Variants in GAPDHS observed in about 807,000 individuals in gnomAD.
The protein encoded by GAPDHS is glyceraldehyde-3-phosphate dehydrogenase, testis-specific.
In GAPDHS, 42 loss-of-function variants were observed where a neutral mutation model predicts 48.7. The ratio of observed to expected loss-of-function variants is 0.86; its 90% CI spans 0.67 to 1.12. The LOEUF is 1.12. GAPDHS is among the 50% of genes most tolerant of loss of function. The probability of loss-of-function intolerance (pLI) is 0.00; values close to 1 mark genes in which losing one functional copy is unlikely to be tolerated. For synonymous variants in GAPDHS, 166 were observed against 219.1 expected, an observed-to-expected ratio of 0.76 and a Z score of 2.14; for missense variants, 512 against 557.7, an observed-to-expected ratio of 0.92 and a Z score of 0.82.
intron 1 of GAPDHS, among the ~76,000 whole-genome samples, chr19:35,535,887 A>C (rs1011640230): frequency 6.6e-6 from 1 of 151,090 alleles, no homozygotes; most frequent in Non-Finnish European, 1.5e-5. Flanking sequence ...CTCTTGCCTC[A>C]GCCCCCCGAG....
In GAPDHS at chr19:35,538,411, GC is replaced by G; in HGVS notation, c.342+9del. The G allele has an allele frequency of 6.5e-7, 1 of 1,539,510 alleles. No individual in the cohort carries two copies. The highest frequency in any genetic ancestry group is 9.0e-7 in the Non-Finnish European group (1 of 1,112,270). Reference sequence around the variant, plus strand: ...ATTGACCCGGAATACATGGTCAGTAGCTGGCAGAGGGCAGGAACAGCAGGGT... The same window carrying G: ...ATTGACCCGGAATACATGGTCAGTAGTGGCAGAGGGCAGGAACAGCAGGGT... On this transcript the variant is annotated intron_variant, in intron 3 of 10. Transcript: ENST00000222286.
At chr19:35,536,180 C>T (rs933593410) in intron 1 of GAPDHS, among the ~76,000 whole-genome samples, 6 of 152,124 alleles carry the variant, frequency 3.9e-5, no homozygotes, top group Non-Finnish European at 7.3e-5. Flanking sequence ...CATGTATTAC[C>T]TCATTTAATC....
In GAPDHS at chr19:35,542,364, C is replaced by G; in HGVS notation, c.495C>G (p.Tyr165Ter). 1 of 1,613,302 alleles carries G rather than the reference C, an allele frequency of 6.2e-7. No homozygotes were observed. The highest frequency in any genetic ancestry group is 8.5e-7 in the Non-Finnish European group (1 of 1,179,738). The part of the protein sequence containing the change: ...QIPWRAVGSP[Y>*]VVESTGVYLS... ...CCTGGAGGGCTGTCGGGAGCCCCTA[C>G]GTGGTGGAGTCCACAGGCGTGTACC... Residue 165 changes from tyrosine (Y) to a stop codon, truncating the protein, a stop_gained, in exon 5 of 11, where the codon TAC becomes TAG. Transcript: ENST00000222286. LOFTEE classifies it high-confidence loss of function.
Position 35,543,654 on chromosome 19 carries a change from G to C in GAPDHS, c.894-11G>C. 2 of 1,612,808 alleles carry C rather than the reference G, an allele frequency of 1.2e-6. No homozygotes were observed. Among genetic ancestry groups the C allele is most frequent in the Non-Finnish European group, 8.5e-7 (1 of 1,179,300 alleles). On this transcript the variant is annotated splice_polypyrimidine_tract_variant and intron_variant, in intron 8 of 10. Coordinates refer to ENST00000222286, the MANE Select transcript of GAPDHS (RefSeq NM_014364.5). ...AGTTCTGACTCCTGTTCCTCATGGG[G>C]GATTCTCCAGGAAGCTGACAGGGAT...
chr19:35,540,582 C>G (rs1321764913), intron 4 of GAPDHS, among the ~76,000 whole-genome samples: 1 of 152,070 alleles, frequency 6.6e-6, no homozygotes, highest in Non-Finnish European at 1.5e-5. Flanking sequence ...TGCAGGGCAG[C>G]CCATTCATTC....
chr19:35,541,553 A>G (rs1260866341), intron 4 of GAPDHS: 1 of 151,610 alleles, frequency 6.6e-6, no homozygotes, highest in Non-Finnish European at 1.5e-5. Context: ...CAAGAATCAC[A>G]GAAGCAAAGC....
intron 2 of GAPDHS, 23 bp from the exon 3 acceptor site, chr19:35,538,284 C>A (rs1327413643): frequency 1.9e-6 from 3 of 1,562,160 alleles, no homozygotes; most frequent in Non-Finnish European, 2.6e-6. Context: ...CTCTCCCATC[C>A]CTTCCTGTCT....
chr19:35,543,936 G>A (rs2146298157), intron 9 of GAPDHS, 109 bp downstream of exon 9: 1 of 1,433,960 alleles, frequency 7.0e-7, no homozygotes, highest in South Asian at 1.5e-5. Flanking sequence ...TGCAGGGCAG[G>A]AAGGGAGATC....
At chr19:35,544,555 G>A (rs910547720) in intron 9 of GAPDHS, 2 of 298,400 alleles carry the variant, frequency 6.7e-6, no homozygotes, top group South Asian at 9.4e-5. Flanking sequence ...ACTGTGCTGA[G>A]GGCCCCAGCC....
At position 35,543,680 on chromosome 19, in the gene GAPDHS, G is replaced by T. The variant is rs745321345; in HGVS notation, c.909G>T (p.Met303Ile). 8.1e-6 allele frequency: 13 copies of T among 1,613,784 alleles called. No individual in the cohort carries two copies. Among genetic ancestry groups the T allele is most frequent in the Admixed American group, 5.0e-5 (3 of 59,970 alleles). Residue 303 changes from methionine to isoleucine, a missense_variant, in exon 9 of 11, where the codon ATG (methionine) becomes ATT (isoleucine). Coordinates refer to ENST00000222286, the MANE Select transcript of GAPDHS (RefSeq NM_014364.5). ...GATTCTCCAGGAAGCTGACAGGGATGGCGTTCCGGGTACCAACCCCGGATG... is the reference window on the plus strand; with the variant it reads ...GATTCTCCAGGAAGCTGACAGGGATTGCGTTCCGGGTACCAACCCCGGATG... Reference protein sequence around the residue: ...IPELKGKLTGMAFRVPTPDVS... With the variant: ...IPELKGKLTGIAFRVPTPDVS...
chr19:35,538,625 G>A lies in GAPDHS; in HGVS notation c.391G>A (p.Val131Met). ...DSTHGRYKGSVEFRNGQLVVD... is the reference protein window; with the variant it reads ...DSTHGRYKGSMEFRNGQLVVD... Reference sequence around the variant, plus strand: ...CACCCACGGCCGATACAAGGGAAGTGTGGAATTCAGGAATGGACAACTGGT... The same window carrying A: ...CACCCACGGCCGATACAAGGGAAGTATGGAATTCAGGAATGGACAACTGGT... The change falls in exon 4 of 11, where the codon GTG (valine) becomes ATG (methionine). Residue 131 changes from valine to methionine, a missense_variant. By Grantham distance (21) the Val-to-Met change is conservative. Coordinates refer to ENST00000222286, the MANE Select transcript of GAPDHS (RefSeq NM_014364.5). 1 of 1,612,612 alleles carries A rather than the reference G, an allele frequency of 6.2e-7. No homozygotes were observed. The highest frequency in any genetic ancestry group is 8.5e-7 in the Non-Finnish European group (1 of 1,178,620).
At chr19:35,534,211 A>C (rs1330262648) in intron 1 of GAPDHS, among the ~76,000 whole-genome samples, 1 of 150,670 alleles carries the variant, frequency 6.6e-6, no homozygotes, top group Non-Finnish European at 1.5e-5. Flanking sequence ...ACACACACAC[A>C]CTCACTCACT....
At chr19:35,538,741 G>A in intron 4 of GAPDHS, 58 bp downstream of exon 4, 3 of 1,128,688 alleles carry the variant, frequency 2.7e-6, no homozygotes, top group East Asian at 2.4e-5. Flanking sequence ...GGCATGTGGA[G>A]GTGGCTAAAA....
intron 8 of GAPDHS, 63 bp downstream of exon 8, chr19:35,543,554 G>A: frequency 6.4e-7 from 1 of 1,573,096 alleles, no homozygotes; most frequent in Non-Finnish European, 8.6e-7. Flanking sequence ...GACTGGCCCG[G>A]CCCTCAGTCC....
At chr19:35,543,047 T>C (rs2071516355) in intron 7 of GAPDHS, 21 bp downstream of exon 7, 1 of 1,575,218 alleles carries the variant, frequency 6.3e-7, no homozygotes, top group Non-Finnish European at 8.7e-7. Context: ...GATGAGGGGC[T>C]GGGGCAGGAA....
In GAPDHS at chr19:35,542,982, G is replaced by A. The variant is rs750438373; in HGVS notation, c.697G>A (p.Ala233Thr). Residue 233 changes from alanine (A) to threonine (T), a missense_variant, in exon 7 of 11, where the codon GCC (alanine) becomes ACC (threonine). Physicochemically the swap from Ala to Thr is moderately conservative, Grantham distance 58 (BLOSUM62 0). Coordinates refer to ENST00000222286, the MANE Select transcript of GAPDHS (RefSeq NM_014364.5). ...SCTTNCLAPL[A>T]KVIHERFGIV... ...CACCACCAACTGTTTGGCTCCCCTC[G>A]CCAAAGTCATCCACGAGCGATTTGG... 13 of 1,613,876 alleles carry A rather than the reference G, an allele frequency of 8.1e-6. No individual in the cohort carries two copies. The highest frequency in any genetic ancestry group is 2.2e-5 in the South Asian group (2 of 91,074).
chr19:35,539,905 C>G (rs1408728969), intron 4 of GAPDHS, among the ~76,000 whole-genome samples: 5 of 152,374 alleles, frequency 3.3e-5, no homozygotes, highest in African/African-American at 1.2e-4. Flanking sequence ...TAGCTGCCCC[C>G]TCCGTCCACG....
At chr19:35,534,015 G>T (rs2071448898) in intron 1 of GAPDHS, among the ~76,000 whole-genome samples, 1 of 152,210 alleles carries the variant, frequency 6.6e-6, no homozygotes, top group Admixed American at 6.5e-5. Flanking sequence ...ACAAAACAAG[G>T]ACACTTGGAA....
intron 4 of GAPDHS, among the ~76,000 whole-genome samples, chr19:35,540,089 C>A (rs1190024620): frequency 1.3e-5 from 2 of 152,242 alleles, no homozygotes; most frequent in Non-Finnish European, 2.9e-5. Context: ...CCAAACTTGC[C>A]TGAGCCTCAG....
Sources: allele counts gnomAD v4.1 joint callset (sites outside exome capture counted in the v4.1 genomes callset), GRCh38; gene constraint gnomAD v4.1.1; transcripts MANE v1.5; gene names NCBI Gene and HGNC (gene_info 2026-07-23, HGNC 2026-07-21).